The following SAMD4A variants were observed in gnomAD, a reference collection of about 807,000 sequenced individuals.
SAMD4A encodes protein Smaug homolog 1.
Under a neutral mutation model 81.3 loss-of-function variants are expected in SAMD4A, and 33 were observed. That is an observed-to-expected ratio of 0.41 (90% CI 0.31 to 0.54). The LOEUF is 0.54. SAMD4A is among the 20% of genes least tolerant of loss of function. The pLI is 0.37. For synonymous variants in SAMD4A, 389 were observed against 382.1 expected (o/e 1.02, Z -0.21); for missense variants, 854 against 951.1 (o/e 0.90, Z 1.34).
In SAMD4A at chr14:54,789,315, G is replaced by A; in HGVS notation, c.*371G>A. On this transcript the variant is annotated 3_prime_UTR_variant, in exon 13 of 13. Transcript: ENST00000554335. Reference sequence around the variant, plus strand: ...GGAGACACATAAGAGGACAGCAGAAGCCCTGGCCCTGGGGAGGCTTCTCGG... The same window carrying A: ...GGAGACACATAAGAGGACAGCAGAAACCCTGGCCCTGGGGAGGCTTCTCGG... 3.9e-6 allele frequency: 1 copy of A among 255,118 alleles called. No homozygotes were observed. Among genetic ancestry groups the A allele is most frequent in the Non-Finnish European group, 7.6e-6 (1 of 132,190 alleles). The allele number at this position is 255,118 out of a possible 1,614,324, so 15.8% of individuals were successfully genotyped here. A position where few individuals can be genotyped will look rare whatever the true frequency, so the allele number is the denominator to read the frequency against.
At chr14:54,603,383 T>A (rs2034112397) in intron 2 of SAMD4A, among the ~76,000 whole-genome samples, 2 of 152,220 alleles carry the variant, frequency 1.3e-5, no homozygotes, top group African/African-American at 4.8e-5. Context: ...TTAGGCAGTT[T>A]TATGAATATG....
intron 2 of SAMD4A, among the ~76,000 whole-genome samples, chr14:54,637,877 C>G (rs1189618975): frequency 6.6e-6 from 1 of 152,128 alleles, no homozygotes; most frequent in East Asian, 1.9e-4. Flanking sequence ...CTCTTGAATT[C>G]GTGAAATTTT....
At chr14:54,566,684 C>G (rs1254494155), upstream of SAMD4A, among the ~76,000 whole-genome samples, 3 of 151,768 alleles carry the variant, frequency 2.0e-5, no homozygotes, top group East Asian at 1.9e-4. Flanking sequence ...CTGCGACGCG[C>G]GGGCGAGGCT....
intron 12 of SAMD4A, among the ~76,000 whole-genome samples, chr14:54,786,420 T>C (rs1207452974): frequency 6.6e-6 from 1 of 152,238 alleles, no homozygotes; most frequent in East Asian, 1.9e-4. Flanking sequence ...CTGAATTGTA[T>C]ACTTTCAAAG....
intron 2 of SAMD4A, among the ~76,000 whole-genome samples, chr14:54,614,199 C>A (rs2034436358): frequency 1.3e-5 from 2 of 152,238 alleles, no homozygotes; most frequent in South Asian, 4.1e-4. Flanking sequence ...GCTCTTCTCA[C>A]AAAGTTTTTT....
chr14:54,640,220 T>A (rs1349062243), intron 2 of SAMD4A, among the ~76,000 whole-genome samples: 1 of 152,102 alleles, frequency 6.6e-6, no homozygotes, highest in African/African-American at 2.4e-5. Context: ...CCCAGCGCCC[T>A]CGTGTCTCTC....
At chr14:54,762,333 C>A (rs1277280901) in intron 7 of SAMD4A, among the ~76,000 whole-genome samples, 3 of 152,120 alleles carry the variant, frequency 2.0e-5, no homozygotes, top group Non-Finnish European at 2.9e-5. Context: ...TGTTATTGTC[C>A]AATATTTCAG....
chr14:54,789,033 C>A lies in SAMD4A; in HGVS notation c.*89C>A. 2.1e-6 allele frequency: 3 copies of A among 1,448,280 alleles called. No homozygotes were observed. Among genetic ancestry groups the A allele is most frequent in the Non-Finnish European group, 2.9e-6 (3 of 1,029,858 alleles). 89.7% of individuals were successfully genotyped at this position (1,448,280 alleles called of 1,614,324 possible). On this transcript the variant is annotated 3_prime_UTR_variant, in exon 13 of 13. Coordinates refer to ENST00000554335, the MANE Select transcript of SAMD4A (RefSeq NM_015589.6). ...ATCTTCAGGGTTGCACAGAATCCTC[C>A]AAGATACTTTGCAGCCTTTTTTCCC...
chr14:54,771,683 A>G lies in SAMD4A; in HGVS notation c.1715+1461A>G, dbSNP rs181640962. ...GTGGCTTTTCTCTGAGAGCAGCAAT[A>G]CTTTTCCCAGGTGAATAGAAAAGGT... On this transcript the variant is annotated intron_variant, in intron 9 of 12. Coordinates refer to ENST00000554335, the MANE Select transcript of SAMD4A (RefSeq NM_015589.6). Among the ~76,000 whole-genome samples, 5 of 152,288 alleles carry G rather than the reference A, an allele frequency of 3.3e-5. No homozygotes were observed. In the East Asian group the frequency reaches 9.6e-4, roughly 29 times the overall value.
chr14:54,621,516 AT>A (rs34686015), intron 2 of SAMD4A, among the ~76,000 whole-genome samples: 32,866 of 141,494 alleles, frequency 0.23, 3,961 homozygotes, highest in African/African-American at 0.33. Flanking sequence ...TGCCCAAATA[AT>A]TTTTTTTTTT....
rs2038855104 is a variant in SAMD4A at position 54,776,556 on chromosome 14, T to C, written c.2044+16T>C. On this transcript the variant is annotated intron_variant, in intron 11 of 12. Transcript: ENST00000554335. ...CAGCAGCCAGGTAGGGCCCGGCGCT[T>C]CATGTCCCCTTGACACAGAGGGGAG... 20 of 1,547,246 alleles carry C rather than the reference T, an allele frequency of 1.3e-5. No individual in the cohort carries two copies. The highest frequency in any genetic ancestry group is 1.7e-5 in the Non-Finnish European group (20 of 1,150,218).
chr14:54,697,854 G>A (rs1448313406), intron 2 of SAMD4A, among the ~76,000 whole-genome samples: 1 of 152,180 alleles, frequency 6.6e-6, no homozygotes, highest in Non-Finnish European at 1.5e-5. Context: ...TCCCTCATAT[G>A]GCTGGCAACT....
chr14:54,613,137 A>ACAGGAAGG (rs1555336310), intron 2 of SAMD4A, among the ~76,000 whole-genome samples: 1 of 144,526 alleles, frequency 6.9e-6, no homozygotes, highest in South Asian at 2.3e-4. Flanking sequence ...AGAGAGAGAG[A>ACAGGAAGG]AAGGAAGGAA....
At chr14:54,640,862 C>T (rs1249897847) in intron 2 of SAMD4A, among the ~76,000 whole-genome samples, 2 of 152,238 alleles carry the variant, frequency 1.3e-5, no homozygotes, top group African/African-American at 4.8e-5. Context: ...CTGCTTCCTA[C>T]TGGCCTTCCC....
chr14:54,655,483 G>A (rs935898656), intron 2 of SAMD4A, among the ~76,000 whole-genome samples: 13 of 152,152 alleles, frequency 8.5e-5, no homozygotes, highest in Non-Finnish European at 1.2e-4. Context: ...TGTAATCCCA[G>A]CACTTTGGGA....
intron 12 of SAMD4A, among the ~76,000 whole-genome samples, chr14:54,786,433 T>G (rs901824190): frequency 1.3e-5 from 2 of 152,226 alleles, no homozygotes; most frequent in Non-Finnish European, 2.9e-5. Context: ...TTTCAAAGGG[T>G]GCAATTTATG....
chr14:54,748,704 T>C (rs1351048436), intron 4 of SAMD4A, 111 bp from the exon 5 acceptor site: 3 of 714,540 alleles, frequency 4.2e-6, no homozygotes, highest in Non-Finnish European at 7.1e-6. Flanking sequence ...TTTTTCTTTT[T>C]TTTTCCTTTG....
At chr14:54,571,582 G>A (rs548745355) in intron 2 of SAMD4A, among the ~76,000 whole-genome samples, 3 of 152,194 alleles carry the variant, frequency 2.0e-5, no homozygotes, top group Admixed American at 6.5e-5. Context: ...CCACAAAAAC[G>A]TAACCCACAA....
chr14:54,758,643 A>G (rs1023577395), intron 6 of SAMD4A, among the ~76,000 whole-genome samples: 6 of 152,316 alleles, frequency 3.9e-5, no homozygotes, highest in African/African-American at 1.4e-4. Flanking sequence ...CGGCCTGGCC[A>G]ACATGGTGAA....
Sources: allele counts gnomAD v4.1 joint callset (sites outside exome capture counted in the v4.1 genomes callset), GRCh38; gene constraint gnomAD v4.1.1; transcripts MANE v1.5; gene names NCBI Gene and HGNC (gene_info 2026-07-23, HGNC 2026-07-21).